PRKAR1A: variants seen among roughly 807,000 people sequenced by gnomAD.
The protein encoded by PRKAR1A is protein kinase cAMP-dependent type I regulatory subunit alpha.
In PRKAR1A, 3 loss-of-function variants were observed where a neutral mutation model predicts 52.0. The ratio of observed to expected loss-of-function variants is 0.06; its 90% CI spans 0.03 to 0.15. The LOEUF (loss-of-function observed/expected upper bound fraction) is 0.15, where lower values mean the gene tolerates loss of function less well. Ranked by LOEUF, PRKAR1A falls within the 10% of genes least tolerant of loss-of-function variation. The probability of loss-of-function intolerance (pLI) is 1.00; values close to 1 mark genes in which losing one functional copy is unlikely to be tolerated. For synonymous variants in PRKAR1A, 188 were observed against 168.4 expected (o/e 1.12, Z -0.90); for missense variants, 240 against 477.4 (o/e 0.50, Z 4.63).
chr17:68,440,407 C>A, the PRKAR1A span, among the ~76,000 whole-genome samples: 1 of 152,088 alleles, frequency 6.6e-6, no homozygotes, highest in Non-Finnish European at 1.5e-5. Flanking sequence ...TTACACAAAG[C>A]CTTTTTAAGG....
intron 2 of PRKAR1A, among the ~76,000 whole-genome samples, chr17:68,516,883 C>T (rs142619142): frequency 2.0e-5 from 3 of 152,316 alleles, no homozygotes; most frequent in African/African-American, 2.4e-5. Context: ...AAGTCAAGTG[C>T]ATTCCTGGAG....
chr17:68,474,678 G>C, the PRKAR1A span, among the ~76,000 whole-genome samples: 3 of 152,148 alleles, frequency 2.0e-5, no homozygotes, highest in Non-Finnish European at 4.4e-5. Context: ...GGCGGATAAC[G>C]AGGTCAGGAG....
At chr17:68,540,852 T>C (rs1441795615) in intron 11 of PRKAR1A, 8 of 1,598,086 alleles carry the variant, frequency 5.0e-6, no homozygotes, top group Non-Finnish European at 6.8e-6. Context: ...GACCTACCTA[T>C]CAAGAAGTCG....
At chr17:68,452,447 C>A in the PRKAR1A span, among the ~76,000 whole-genome samples, 1 of 152,166 alleles carries the variant, frequency 6.6e-6, no homozygotes, top group Admixed American at 6.5e-5. Context: ...TGCCTGTAAT[C>A]TCATCTACTT....
At chr17:68,474,282 T>C in the PRKAR1A span, among the ~76,000 whole-genome samples, 1 of 152,226 alleles carries the variant, frequency 6.6e-6, no homozygotes, top group Admixed American at 6.5e-5. Flanking sequence ...GCTAAGTTTT[T>C]GGAAAGGTAG....
the PRKAR1A span, among the ~76,000 whole-genome samples, chr17:68,429,841 G>A: frequency 6.6e-6 from 1 of 152,094 alleles, no homozygotes; most frequent in Non-Finnish European, 1.5e-5. Flanking sequence ...TGCCTGCCTT[G>A]GCCTCCCAAG....
chr17:68,543,581 A>G (rs2086409825), intron 11 of PRKAR1A: 19 of 1,547,742 alleles, frequency 1.2e-5, no homozygotes, highest in Non-Finnish European at 1.5e-5. Context: ...CCCCTCCCAG[A>G]GGATTGGTCC....
In PRKAR1A at chr17:68,531,497, AT is replaced by A. The variant is rs1315712098; in HGVS notation, c.*1052del. The A allele has an allele frequency of 9.4e-7, 1 of 1,066,102 alleles. No individual in the cohort carries two copies. Among genetic ancestry groups the A allele is most frequent in the Admixed American group, 5.3e-5 (1 of 18,756 alleles). The allele number at this position is 1,066,102 out of a possible 1,614,324, so 66.0% of individuals were successfully genotyped here. A position where few individuals can be genotyped will look rare whatever the true frequency, so the allele number is the denominator to read the frequency against. ...AGGCGGACAAAGTTCAGTGTCGGGA[AT>A]TTTCCCCGTGACATTCACTGGGGCA... On this transcript the variant is annotated 3_prime_UTR_variant, in exon 11 of 11. Transcript: ENST00000589228.
At chr17:68,543,516 A>G in intron 11 of PRKAR1A, 2 of 915,936 alleles carry the variant, frequency 2.2e-6, no homozygotes, top group Non-Finnish European at 3.6e-6. Flanking sequence ...AAGAAGATAG[A>G]AAGCCAGAAG....
chr17:68,421,737 AG>A, the PRKAR1A span: 10 of 1,611,626 alleles, frequency 6.2e-6, no homozygotes, highest in East Asian at 2.0e-4. Flanking sequence ...ACCACCTGAT[AG>A]GGGGGATGTC....
At chr17:68,481,974 C>T in the PRKAR1A span, among the ~76,000 whole-genome samples, 18 of 152,194 alleles carry the variant, frequency 1.2e-4, no homozygotes, top group African/African-American at 4.3e-4. Context: ...AAGAAATGCC[C>T]TACCTTTAAG....
downstream of PRKAR1A, chr17:68,536,378 T>G (rs183590895): frequency 4.4e-6 from 2 of 454,132 alleles, no homozygotes; most frequent in South Asian, 3.1e-5. Flanking sequence ...CGGTCATTAA[T>G]TATGGAATAA....
rs978483034 is a variant in PRKAR1A at position 68,518,871 on chromosome 17, G to A, written c.177+3295G>A. The stretch of plus-strand genomic sequence containing the variant: ...TTCCTGCTTAGAAATTTCTTCCACC[G>A]GATACCCTAAATCATTTCTCTCAAG... On this transcript the variant is annotated intron_variant, in intron 2 of 10. Transcript: ENST00000589228. Among the ~76,000 whole-genome samples the A allele has an allele frequency of 1.1e-4, 16 of 152,192 alleles. No homozygotes were observed. The South Asian group carries it at 1.7e-3, about 16-fold the overall frequency.
chr17:68,444,367 T>C, the PRKAR1A span: 2 of 810,492 alleles, frequency 2.5e-6, no homozygotes, highest in Non-Finnish European at 4.1e-6. Flanking sequence ...AGCTTCGAGA[T>C]AAACCTCACT....
rs2085958005 is a variant in PRKAR1A at position 68,530,927 on chromosome 17, T to C, written c.*478T>C. On this transcript the variant is annotated 3_prime_UTR_variant, in exon 11 of 11. Coordinates refer to ENST00000589228, the MANE Select transcript of PRKAR1A (RefSeq NM_002734.5). ...GATTAGGGAAAATGGATATAGAAAATCTTAGTATAGTAGAAAGACATCTGC... is the reference window on the plus strand; with the variant it reads ...GATTAGGGAAAATGGATATAGAAAACCTTAGTATAGTAGAAAGACATCTGC... 1.8e-6 allele frequency: 2 copies of C among 1,110,952 alleles called. No homozygotes were observed. Among genetic ancestry groups the C allele is most frequent in the Non-Finnish European group, 2.2e-6 (2 of 905,594 alleles). 68.8% of individuals were successfully genotyped at this position (1,110,952 alleles called of 1,614,324 possible). A position where few individuals can be genotyped will look rare whatever the true frequency, so the allele number is the denominator to read the frequency against.
the PRKAR1A span, chr17:68,420,277 A>G: frequency 6.2e-7 from 1 of 1,614,040 alleles, no homozygotes; most frequent in Non-Finnish European, 8.5e-7. Flanking sequence ...ATACCGCAGA[A>G]GCTGTGCCCC....
At chr17:68,550,900 G>A (rs1039408438) in intron 11 of PRKAR1A, among the ~76,000 whole-genome samples, 6 of 152,198 alleles carry the variant, frequency 3.9e-5, no homozygotes, top group Non-Finnish European at 8.8e-5. Context: ...CTCTTTATTC[G>A]GTGCTTATTC....
chr17:68,548,376 A>C (rs2086666147), intron 11 of PRKAR1A, among the ~76,000 whole-genome samples: 1 of 152,138 alleles, frequency 6.6e-6, no homozygotes, highest in Non-Finnish European at 1.5e-5. Context: ...CTAAAAATGC[A>C]AAAATTAGCC....
chr17:68,436,634 G>A, the PRKAR1A span, among the ~76,000 whole-genome samples: 1 of 152,196 alleles, frequency 6.6e-6, no homozygotes, highest in Non-Finnish European at 1.5e-5. Context: ...TGATTCTTCT[G>A]ATTAAGGCTT....
Sources: gnomAD v4.1 joint callset for allele counts (sites outside exome capture counted in the v4.1 genomes callset) on GRCh38, gnomAD v4.1.1 for gene constraint, MANE v1.5 for transcripts, NCBI Gene and HGNC (gene_info 2026-07-23, HGNC 2026-07-21) for gene names.